Variants in CNTNAP2 observed in about 807,000 individuals in gnomAD.
CNTNAP2 encodes contactin-associated protein-like 2.
CNTNAP2 carries 98 observed loss-of-function variants against 155.2 expected under a neutral mutation model. The ratio of observed to expected loss-of-function variants is 0.63; its 90% CI spans 0.54 to 0.75. CNTNAP2 has a LOEUF of 0.75. CNTNAP2 is among the 30% of genes least tolerant of loss of function. CNTNAP2 has a pLI of 0.00. For synonymous variants in CNTNAP2, 651 were observed against 631.2 expected (o/e 1.03, Z -0.47); for missense variants, 1,727 against 1,688.1 (o/e 1.02, Z -0.40).
chr7:146,146,925 T>C lies in CNTNAP2; in HGVS notation c.97+29952T>C, dbSNP rs1044621771. ...GCTGCGTTAGTGAATGATTCACTAATGGTGCGAAGTCTTTCTGTCAAACAA... is the reference window on the plus strand; with the variant it reads ...GCTGCGTTAGTGAATGATTCACTAACGGTGCGAAGTCTTTCTGTCAAACAA... On this transcript the variant is annotated intron_variant, in intron 1 of 23. Coordinates refer to ENST00000361727, the MANE Select transcript of CNTNAP2 (RefSeq NM_014141.6). Among the ~76,000 whole-genome samples the C allele has an allele frequency of 3.3e-5, 5 of 152,288 alleles. No homozygotes were observed. The East Asian group carries it at 7.7e-4, about 24-fold the overall frequency.
chr7:146,270,049 G>A (rs11981576), intron 1 of CNTNAP2, among the ~76,000 whole-genome samples: 6,181 of 152,120 alleles, frequency 0.041, 201 homozygotes, highest in African/African-American at 0.089. Context: ...TCTTACCCCA[G>A]GCTTTCATTT....
chr7:146,961,941 G>A (rs1797564891), intron 3 of CNTNAP2, among the ~76,000 whole-genome samples: 1 of 152,128 alleles, frequency 6.6e-6, no homozygotes, highest in South Asian at 2.1e-4. Context: ...GCTGCTTGAG[G>A]TCATAGAGAG....
intron 10 of CNTNAP2, among the ~76,000 whole-genome samples, chr7:147,411,644 C>T (rs979678635): frequency 1.3e-5 from 2 of 152,156 alleles, no homozygotes; most frequent in East Asian, 3.9e-4. Flanking sequence ...ATCTGATTTT[C>T]ATAAAGAAAG....
At chr7:146,647,891 C>T (rs1799842267) in intron 1 of CNTNAP2, among the ~76,000 whole-genome samples, 1 of 152,192 alleles carries the variant, frequency 6.6e-6, no homozygotes, top group Non-Finnish European at 1.5e-5. Flanking sequence ...TTTATATTTA[C>T]ATGCCACAGT....
Position 147,875,794 on chromosome 7 carries a change from C to T in CNTNAP2, c.2099-27771C>T, listed in dbSNP as rs549012225. ...ATGCTTAACATAACCCTTTCTACTT[C>T]AGCAGGAGGGATAGATTTACATTTT... is the stretch of plus-strand genomic sequence containing the variant. On this transcript the variant is annotated intron_variant, in intron 13 of 23. Coordinates refer to ENST00000361727, the MANE Select transcript of CNTNAP2 (RefSeq NM_014141.6). Among the ~76,000 whole-genome samples the T allele has an allele frequency of 7.9e-5, 12 of 152,266 alleles. No homozygotes were observed. In the South Asian group the frequency reaches 2.5e-3, roughly 32 times the overall value.
At chr7:148,317,113 TG>T in intron 21 of CNTNAP2, among the ~76,000 whole-genome samples, 1 of 152,254 alleles carries the variant, frequency 6.6e-6, no homozygotes, top group East Asian at 1.9e-4. Flanking sequence ...CCCAGCACTT[TG>T]GGAGGCCGAG....
At chr7:148,006,598 C>T (rs1585073937) in intron 15 of CNTNAP2, among the ~76,000 whole-genome samples, 1 of 140,982 alleles carries the variant, frequency 7.1e-6, no homozygotes, top group Non-Finnish European at 1.5e-5. Context: ...GGATTACAGG[C>T]ATAAGCCACC....
At chr7:146,156,275 A>G (rs182351472) in intron 1 of CNTNAP2, among the ~76,000 whole-genome samples, 31 of 152,328 alleles carry the variant, frequency 2.0e-4, no homozygotes, top group African/African-American at 7.2e-4. Flanking sequence ...TAGTGTAACC[A>G]TGGTGAAAAC....
chr7:147,914,433 G>A (rs909867166), intron 14 of CNTNAP2, among the ~76,000 whole-genome samples: 18 of 151,656 alleles, frequency 1.2e-4, no homozygotes, highest in Admixed American at 4.6e-4. Context: ...CCAGCCACTC[G>A]GGAGGCTGAG....
At chr7:147,330,712 T>A (rs764658246) in intron 9 of CNTNAP2, among the ~76,000 whole-genome samples, 19 of 152,194 alleles carry the variant, frequency 1.2e-4, no homozygotes, top group South Asian at 4.1e-4. Context: ...TTACTAGTTG[T>A]ACAAGTCAGT....
chr7:146,559,322 C>A (rs1427614718), intron 1 of CNTNAP2, among the ~76,000 whole-genome samples: 1 of 152,022 alleles, frequency 6.6e-6, no homozygotes, highest in Non-Finnish European at 1.5e-5. Flanking sequence ...GTAATCCCAG[C>A]ACCTTGAGAG....
At chr7:146,720,847 G>C (rs970781628) in intron 1 of CNTNAP2, among the ~76,000 whole-genome samples, 2 of 141,938 alleles carry the variant, frequency 1.4e-5, no homozygotes, top group Non-Finnish European at 3.1e-5. Context: ...TAGAGAAAGA[G>C]CTAGAACCTA....
chr7:147,130,126 A>G (rs550867715), intron 7 of CNTNAP2, among the ~76,000 whole-genome samples: 1 of 152,084 alleles, frequency 6.6e-6, no homozygotes, highest in African/African-American at 2.4e-5. Flanking sequence ...AAAAAGATAG[A>G]TGTATAGCCT....
At chr7:147,068,134 T>C (rs1483764029) in intron 4 of CNTNAP2, among the ~76,000 whole-genome samples, 1 of 152,140 alleles carries the variant, frequency 6.6e-6, no homozygotes, top group Non-Finnish European at 1.5e-5. Flanking sequence ...CAAATCTCTG[T>C]ATCCTCTTTT....
chr7:146,693,143 A>G (rs931705968), intron 1 of CNTNAP2, among the ~76,000 whole-genome samples: 2 of 152,148 alleles, frequency 1.3e-5, no homozygotes, highest in African/African-American at 4.8e-5. Context: ...GATCCAAGAG[A>G]GAATAGTAAC....
At chr7:147,182,796 A>G (rs369086884) in intron 8 of CNTNAP2, among the ~76,000 whole-genome samples, 2 of 152,202 alleles carry the variant, frequency 1.3e-5, no homozygotes, top group South Asian at 4.1e-4. Context: ...TCTACTTTCT[A>G]TATCATATAA....
At position 148,108,192 on chromosome 7, in the gene CNTNAP2, G is replaced by A. The variant is rs115116098; in HGVS notation, c.2384-9926G>A. Among the ~76,000 whole-genome samples the A allele has an allele frequency of 4.0e-3, 606 of 152,252 alleles. 1 individual carries two copies. The highest frequency in any genetic ancestry group is 0.014 in the African/African-American group (575 of 41,552). On this transcript the variant is annotated intron_variant, in intron 15 of 23. Coordinates refer to ENST00000361727, the MANE Select transcript of CNTNAP2 (RefSeq NM_014141.6). ...CTGCAGTTATCTCCCGTAAACATTT[G>A]TTCAAATGCAATCATGTCCATTGCT...
At chr7:148,102,729 G>A (rs1257151354) in intron 15 of CNTNAP2, among the ~76,000 whole-genome samples, 1 of 152,202 alleles carries the variant, frequency 6.6e-6, no homozygotes, top group Non-Finnish European at 1.5e-5. Context: ...AATCTTTTAT[G>A]TTGTGGCCCA....
intron 21 of CNTNAP2, among the ~76,000 whole-genome samples, chr7:148,279,223 G>A (rs1485173998): frequency 6.6e-6 from 1 of 152,160 alleles, no homozygotes; most frequent in Non-Finnish European, 1.5e-5. Flanking sequence ...CAGAAGGGGT[G>A]GGCTGATATA....
Sources: allele counts gnomAD v4.1 joint callset (sites outside exome capture counted in the v4.1 genomes callset), GRCh38; gene constraint gnomAD v4.1.1; transcripts MANE v1.5; gene names NCBI Gene and HGNC (gene_info 2026-07-23, HGNC 2026-07-21).